PXK: variants seen among roughly 807,000 people sequenced by gnomAD.
PXK encodes the protein PX domain containing serine/threonine kinase like, also known as PX domain-containing protein kinase-like protein.
A neutral mutation model predicts 84.7 loss-of-function variants in PXK; 35 were observed. That is an observed-to-expected ratio of 0.41 (90% CI 0.32 to 0.55). The LOEUF (loss-of-function observed/expected upper bound fraction) is 0.55, where lower values mean the gene tolerates loss of function less well. PXK is among the 20% of genes least tolerant of loss of function. The pLI is 0.21. For synonymous variants in PXK, 253 were observed against 260.8 expected (o/e 0.97, Z 0.29); for missense variants, 634 against 699.7 (o/e 0.91, Z 1.06).
chr3:58,369,534 C>A, intron 3 of PXK, 56 bp downstream of exon 3: 1 of 1,471,218 alleles, frequency 6.8e-7, no homozygotes, highest in Non-Finnish European at 9.5e-7. Flanking sequence ...GTCTAAAAAA[C>A]TGGCTGGAGT....
At position 58,395,022 on chromosome 3, in the gene PXK, T is replaced by A; in HGVS notation, c.640T>A (p.Phe214Ile). The change falls in exon 8 of 18, where the codon TTT becomes ATT. Residue 214 changes from phenylalanine to isoleucine, a missense_variant. Phe to Ile is a conservative substitution (Grantham distance 21). Transcript: ENST00000356151. ...CLHPYIYRVT[F>I]ATANESSALL... ...GCACCCTTACATCTATCGGGTTACC[T>A]TTGCCACAGCTAATGAATCCTCAGC... is the stretch of plus-strand genomic sequence containing the variant. 3.1e-6 allele frequency: 5 copies of A among 1,613,458 alleles called. No homozygotes were observed. Among genetic ancestry groups the A allele is most frequent in the Non-Finnish European group, 4.2e-6 (5 of 1,179,386 alleles).
intron 12 of PXK, among the ~76,000 whole-genome samples, chr3:58,402,820 A>G (rs1480451425): frequency 6.7e-6 from 1 of 149,222 alleles, no homozygotes; most frequent in Non-Finnish European, 1.5e-5. Context: ...TTTATTTTTA[A>G]CTTTTAGGTG....
intron 12 of PXK, among the ~76,000 whole-genome samples, chr3:58,402,224 C>G (rs909536642): frequency 1.3e-5 from 2 of 151,600 alleles, no homozygotes; most frequent in African/African-American, 4.8e-5. Context: ...CCTCTCTTCT[C>G]CTCTTTTCTT....
chr3:58,421,523 T>C lies in PXK; in HGVS notation c.1529-3229T>C. 1.1e-6 allele frequency: 1 copy of C among 918,530 alleles called. No individual in the cohort carries two copies. Among genetic ancestry groups the C allele is most frequent in the Non-Finnish European group, 1.3e-6 (1 of 767,280 alleles). 56.9% of individuals were successfully genotyped at this position (918,530 alleles called of 1,614,324 possible). Reference sequence around the variant, plus strand: ...TGAACCCGGGAGGCGGAGCTTGCAGTGAGCCGAGATCGCGCCACTGCACTC... The same window carrying C: ...TGAACCCGGGAGGCGGAGCTTGCAGCGAGCCGAGATCGCGCCACTGCACTC... On this transcript the variant is annotated intron_variant, in intron 17 of 17. Coordinates refer to ENST00000356151, the MANE Select transcript of PXK (RefSeq NM_017771.5). The surrounding 1 kb of genome is among the most constrained non-coding windows in gnomAD (Gnocchi z 5.5).
At chr3:58,403,992 GA>G in intron 13 of PXK, 82 bp downstream of exon 13, 2 of 1,004,992 alleles carry the variant, frequency 2.0e-6, no homozygotes, top group East Asian at 2.7e-5. Context: ...GCCAAAAAAA[GA>G]AAAGATATAT....
chr3:58,398,759 CA>C lies in PXK; in HGVS notation c.1103-536del, dbSNP rs1184575793. ...CACCCTTCACCAAGCGTTATTGTGT[CA>C]AAAGAGGCAATTCAAGAGAACAGGC... is the stretch of plus-strand genomic sequence containing the variant. On this transcript the variant is annotated intron_variant, in intron 11 of 17. Transcript: ENST00000356151. This position sits in a 1 kb window ranked among gnomAD's most constrained non-coding sequence, Gnocchi z 4.5. Among the ~76,000 whole-genome samples, 5 of 152,124 alleles carry C rather than the reference CA, an allele frequency of 3.3e-5. No individual in the cohort carries two copies. Among genetic ancestry groups the C allele is most frequent in the African/African-American group, 9.7e-5 (4 of 41,410 alleles).
At chr3:58,402,154 G>C (rs1411810972) in intron 12 of PXK, among the ~76,000 whole-genome samples, 2 of 151,934 alleles carry the variant, frequency 1.3e-5, no homozygotes, top group African/African-American at 4.8e-5. Flanking sequence ...TCTTTGACCT[G>C]TTTTACCCAG....
intron 1 of PXK, among the ~76,000 whole-genome samples, chr3:58,347,349 T>G (rs1241563421): frequency 2.6e-5 from 4 of 152,216 alleles, no homozygotes; most frequent in Admixed American, 2.6e-4. Context: ...ACACCCACTT[T>G]CATCGCTCCA....
In PXK at chr3:58,400,084, T is replaced by C. The variant is rs979426961; in HGVS notation, c.1181+707T>C. ...ACAGACCTGGAGGTGGATTCCAGCT[T>C]CACCACTTCTACCTGGGTGACCTTA... On this transcript the variant is annotated intron_variant, in intron 12 of 17. Coordinates refer to ENST00000356151, the MANE Select transcript of PXK (RefSeq NM_017771.5). This position sits in a 1 kb window ranked among gnomAD's most constrained non-coding sequence, Gnocchi z 4.0. Among the ~76,000 whole-genome samples, 13 of 152,044 alleles carry C rather than the reference T, an allele frequency of 8.6e-5. No individual in the cohort carries two copies. The highest frequency in any genetic ancestry group is 8.5e-4 in the Admixed American group (13 of 15,264).
intron 17 of PXK, chr3:58,422,190 A>G (rs566771951): frequency 2.5e-5 from 25 of 985,412 alleles, no homozygotes; most frequent in African/African-American, 1.7e-4. Context: ...AAAACAATCA[A>G]TGGGGCAGAC....
rs527701319 is a variant in PXK at position 58,372,869 on chromosome 3, G to A, written c.201+3391G>A. 3.9e-5 allele frequency among the ~76,000 whole-genome samples: 6 copies of A among 152,100 alleles called. No homozygotes were observed. In the East Asian group the frequency reaches 1.2e-3, roughly 30 times the overall value. ...AGACTTTTTATAGTGAGCATATTTTGTGGAAACAATGAAGAAAAATCACCA... is the reference window on the plus strand; with the variant it reads ...AGACTTTTTATAGTGAGCATATTTTATGGAAACAATGAAGAAAAATCACCA... On this transcript the variant is annotated intron_variant, in intron 3 of 17. Transcript: ENST00000356151.
chr3:58,419,401 A>T (rs1239656751), intron 17 of PXK, among the ~76,000 whole-genome samples: 1 of 152,146 alleles, frequency 6.6e-6, no homozygotes, highest in Non-Finnish European at 1.5e-5. Context: ...ACAGGCGCCC[A>T]CCACCATGCC....
Position 58,421,837 on chromosome 3 carries a change from C to G in PXK, c.1529-2915C>G, listed in dbSNP as rs767856846. 6.1e-6 allele frequency: 6 copies of G among 985,270 alleles called. No individual in the cohort carries two copies. In the South Asian group the frequency reaches 2.3e-4, roughly 39 times the overall value. 61.0% of individuals were successfully genotyped at this position (985,270 alleles called of 1,614,324 possible). On this transcript the variant is annotated intron_variant, in intron 17 of 17. Coordinates refer to ENST00000356151, the MANE Select transcript of PXK (RefSeq NM_017771.5). The surrounding 1 kb of genome is among the most constrained non-coding windows in gnomAD (Gnocchi z 5.5). ...TGAGATGGGAGAAATCGGGACTGAC[C>G]TGGTCGTAACTGAAGGTAAGCTGTT...
At position 58,411,154 on chromosome 3, in the gene PXK, CAG is replaced by C. The variant is rs2060142462; in HGVS notation, c.1465+996_1465+997del. 6.6e-6 allele frequency among the ~76,000 whole-genome samples: 1 copy of C among 152,134 alleles called. No homozygotes were observed. Among genetic ancestry groups the C allele is most frequent in the South Asian group, 2.1e-4 (1 of 4,830 alleles). On this transcript the variant is annotated intron_variant, in intron 16 of 17. Coordinates refer to ENST00000356151, the MANE Select transcript of PXK (RefSeq NM_017771.5). This position sits in a 1 kb window ranked among gnomAD's most constrained non-coding sequence, Gnocchi z 4.2. ...CATGCCTCAGTCTTCTCAGTGAAGT[CAG>C]GGAGGAGAATGTCTGCCTGGGGCGG...
intron 4 of PXK, among the ~76,000 whole-genome samples, chr3:58,386,464 T>G (rs1313821602): frequency 1.3e-5 from 2 of 151,468 alleles, no homozygotes; most frequent in African/African-American, 2.4e-5. Flanking sequence ...CAAGCTAATT[T>G]TTTTGTATTT....
rs991589412 is a variant in PXK at position 58,364,906 on chromosome 3, A to G, written c.103-968A>G. ...GTATCCTAATTCATTCTTGATATTA[A>G]TAATACATGTCTTATCTTTATTTTG... On this transcript the variant is annotated intron_variant, in intron 1 of 17. Coordinates refer to ENST00000356151, the MANE Select transcript of PXK (RefSeq NM_017771.5). This position sits in a 1 kb window ranked among gnomAD's most constrained non-coding sequence, Gnocchi z 4.3. Among the ~76,000 whole-genome samples, 2 of 152,160 alleles carry G rather than the reference A, an allele frequency of 1.3e-5. No homozygotes were observed. Among genetic ancestry groups the G allele is most frequent in the African/African-American group, 4.8e-5 (2 of 41,430 alleles).
Position 58,383,893 on chromosome 3 carries a change from C to T in PXK, c.388+1193C>T, listed in dbSNP as rs2098528253. Among the ~76,000 whole-genome samples, 1 of 152,112 alleles carries T rather than the reference C, an allele frequency of 6.6e-6. No homozygotes were observed. Among genetic ancestry groups the T allele is most frequent in the Non-Finnish European group, 1.5e-5 (1 of 68,014 alleles). ...TAATTAGAGAGAGGCATTTTTATTCCTATTTTATTCCTTTTATTTATTTAT... is the reference window on the plus strand; with the variant it reads ...TAATTAGAGAGAGGCATTTTTATTCTTATTTTATTCCTTTTATTTATTTAT... On this transcript the variant is annotated intron_variant, in intron 4 of 17. Coordinates refer to ENST00000356151, the MANE Select transcript of PXK (RefSeq NM_017771.5). This position sits in a 1 kb window ranked among gnomAD's most constrained non-coding sequence, Gnocchi z 4.0.
intron 3 of PXK, among the ~76,000 whole-genome samples, chr3:58,378,939 T>A (rs1559989662): frequency 1.3e-5 from 2 of 151,850 alleles, no homozygotes; most frequent in African/African-American, 2.4e-5. Flanking sequence ...GTAGTAGTAT[T>A]TGAGACAGAG....
rs901196494 is a variant in PXK at position 58,405,408 on chromosome 3, G to GT, written c.1230+1499dup. Among the ~76,000 whole-genome samples the GT allele has an allele frequency of 5.9e-5, 9 of 152,286 alleles. No individual in the cohort carries two copies. In the South Asian group the frequency reaches 1.2e-3, roughly 21 times the overall value. ...TAAATTAAGAAATGGCCCGGGCGTG[G>GT]TGGCTCACGCTTGTAATCCCAACAC... On this transcript the variant is annotated intron_variant, in intron 13 of 17. Coordinates refer to ENST00000356151, the MANE Select transcript of PXK (RefSeq NM_017771.5).
Sources: allele counts gnomAD v4.1 joint callset (sites outside exome capture counted in the v4.1 genomes callset), GRCh38; gene constraint gnomAD v4.1.1; non-coding constraint Gnocchi (gnomAD v3.1); transcripts MANE v1.5; gene names NCBI Gene and HGNC (gene_info 2026-07-23, HGNC 2026-07-21).